Variants in VPS35L observed in about 807,000 individuals in gnomAD.
VPS35L encodes VPS35 endosomal protein sorting factor like.
Under a neutral mutation model 133.0 loss-of-function variants are expected in VPS35L, and 83 were observed. The ratio of observed to expected loss-of-function variants is 0.62; its 90% CI spans 0.52 to 0.75. The LOEUF (loss-of-function observed/expected upper bound fraction) is 0.75, where lower values mean the gene tolerates loss of function less well. Among genes scored for constraint, VPS35L ranks in the 30% least tolerant of loss-of-function variants. The probability of loss-of-function intolerance (pLI) is 0.00; values close to 1 mark genes in which losing one functional copy is unlikely to be tolerated. For synonymous variants in VPS35L, 423 were observed against 449.9 expected, an observed-to-expected ratio of 0.94 and a Z score of 0.76; for missense variants, 1,083 against 1,206.8, an observed-to-expected ratio of 0.90 and a Z score of 1.52.
intron 26 of VPS35L, among the ~76,000 whole-genome samples, chr16:19,654,464 C>T (rs1449526414): frequency 2.0e-5 from 3 of 150,798 alleles, no homozygotes; most frequent in Non-Finnish European, 4.4e-5. Flanking sequence ...GAGGCTGAGG[C>T]ACAACAATCG....
chr16:19,611,960 G>A (rs1972736547), intron 12 of VPS35L, among the ~76,000 whole-genome samples: 2 of 148,418 alleles, frequency 1.3e-5, no homozygotes, highest in Non-Finnish European at 3.0e-5. Flanking sequence ...TTTTTTTTGA[G>A]ATGGAGTCTC....
intron 5 of VPS35L, among the ~76,000 whole-genome samples, chr16:19,575,561 TAAA>T (rs376319436): frequency 4.0e-5 from 5 of 126,552 alleles, no homozygotes; most frequent in Admixed American, 8.5e-5. Context: ...AATGCCGTCT[TAAA>T]AAAAAAAAAA....
At chr16:19,563,361 AT>A (rs1481525609) in intron 1 of VPS35L, among the ~76,000 whole-genome samples, 1 of 151,842 alleles carries the variant, frequency 6.6e-6, no homozygotes, top group Non-Finnish European at 1.5e-5. Flanking sequence ...GTTTCTATAA[AT>A]TTTACTATGA....
At chr16:19,564,116 T>TC (rs1475377338) in intron 1 of VPS35L, among the ~76,000 whole-genome samples, 1 of 152,086 alleles carries the variant, frequency 6.6e-6, no homozygotes, top group East Asian at 1.9e-4. Context: ...TCTCACTCTG[T>TC]CCCCCAGGCT....
At position 19,564,944 on chromosome 16, in the gene VPS35L, C is replaced by T; in HGVS notation, c.111C>T (p.Pro37=). Residue 37 remains proline (P), a synonymous_variant, in exon 2 of 31, where the codon CCC becomes CCT. Transcript: ENST00000417362. ...LEFGDYHPLK[P]ITVTESKTKK... The stretch of plus-strand genomic sequence containing the variant: ...TTGGGGACTATCACCCTCTGAAACC[C>T]ATAACTGTAAGTTTTGTTAAGGGTC... 1 of 1,603,512 alleles carries T rather than the reference C, an allele frequency of 6.2e-7. No homozygotes were observed. Among genetic ancestry groups the T allele is most frequent in the Non-Finnish European group, 8.5e-7 (1 of 1,170,742 alleles).
At chr16:19,602,879 T>C (rs569577112) in intron 9 of VPS35L, among the ~76,000 whole-genome samples, 1 of 152,016 alleles carries the variant, frequency 6.6e-6, no homozygotes, top group Non-Finnish European at 1.5e-5. Flanking sequence ...GCTGGGATTA[T>C]AGGCATGAGC....
intron 26 of VPS35L, among the ~76,000 whole-genome samples, chr16:19,656,349 C>T (rs995438462): frequency 4.0e-5 from 6 of 149,884 alleles, no homozygotes; most frequent in Non-Finnish European, 7.4e-5. Context: ...AAAAGAAGAA[C>T]ATGTGTTTAT....
At chr16:19,683,501 C>T (rs1240204593) in intron 28 of VPS35L, among the ~76,000 whole-genome samples, 1 of 152,128 alleles carries the variant, frequency 6.6e-6, no homozygotes, top group African/African-American at 2.4e-5. Flanking sequence ...ATCTTTATGC[C>T]CATGGGTACC....
chr16:19,674,806 A>G (rs981639604), intron 27 of VPS35L, among the ~76,000 whole-genome samples: 2 of 152,102 alleles, frequency 1.3e-5, no homozygotes, highest in African/African-American at 2.4e-5. Context: ...GACTCATGCA[A>G]TATTTGTCTT....
intron 26 of VPS35L, among the ~76,000 whole-genome samples, chr16:19,660,130 GC>G (rs2151595352): frequency 6.6e-6 from 1 of 152,186 alleles, no homozygotes; most frequent in South Asian, 2.1e-4. Flanking sequence ...TTCGAGACCA[GC>G]CCGGCCAACA....
intron 14 of VPS35L, 24 bp from the exon 15 acceptor site, chr16:19,626,153 T>C (rs1355261753): frequency 1.5e-5 from 23 of 1,505,318 alleles, no homozygotes; most frequent in Non-Finnish European, 2.1e-5. Flanking sequence ...GATTTTTTAA[T>C]TATTATTATT....
chr16:19,634,966 A>C (rs1973579482), intron 19 of VPS35L, among the ~76,000 whole-genome samples: 1 of 152,186 alleles, frequency 6.6e-6, no homozygotes, highest in African/African-American at 2.4e-5. Context: ...ACACAGCATC[A>C]CCTGTATAGC....
intron 25 of VPS35L, 22 bp from the exon 26 acceptor site, chr16:19,651,940 GCACTGCTAGCGTTA>G: frequency 7.0e-7 from 1 of 1,423,072 alleles, no homozygotes; most frequent in Non-Finnish European, 9.9e-7. Context: ...TGCCACCGTT[GCACTGCTAGCGTTA>G]ATGTTTCTTC....
intron 28 of VPS35L, among the ~76,000 whole-genome samples, chr16:19,688,343 C>G (rs57406822): frequency 6.6e-6 from 1 of 152,106 alleles, no homozygotes; most frequent in Non-Finnish European, 1.5e-5. Context: ...TTCCTCAAGA[C>G]AGTGATGAAT....
chr16:19,562,170 T>A (rs544593812), intron 1 of VPS35L, among the ~76,000 whole-genome samples: 26 of 152,134 alleles, frequency 1.7e-4, no homozygotes, highest in Non-Finnish European at 3.8e-4. Context: ...TCCGGGGGGC[T>A]ACTATAGTGG....
intron 1 of VPS35L, among the ~76,000 whole-genome samples, chr16:19,563,113 A>G (rs184861613): frequency 6.6e-6 from 1 of 152,172 alleles, no homozygotes; most frequent in African/African-American, 2.4e-5. Flanking sequence ...CAAAGGAGCA[A>G]CAATAAGACT....
At chr16:19,596,960 A>G (rs771362565) in intron 8 of VPS35L, among the ~76,000 whole-genome samples, 2 of 152,120 alleles carry the variant, frequency 1.3e-5, no homozygotes, top group Non-Finnish European at 2.9e-5. Flanking sequence ...CAGAGGTTGC[A>G]GTGAACTGAG....
intron 5 of VPS35L, 80 bp downstream of exon 5, chr16:19,575,202 AT>A (rs1291116398): frequency 7.7e-7 from 1 of 1,294,234 alleles, no homozygotes; most frequent in Non-Finnish European, 1.1e-6. Context: ...AAAAAGTTTT[AT>A]GTGATATGAT....
intron 5 of VPS35L, chr16:19,578,846 C>T (rs1971618153): frequency 3.4e-6 from 2 of 592,042 alleles, no homozygotes; most frequent in African/African-American, 1.9e-5. Flanking sequence ...CCACTGGGCT[C>T]CCAGGGGCAG....
Sources: allele counts gnomAD v4.1 joint callset (sites outside exome capture counted in the v4.1 genomes callset), GRCh38; gene constraint gnomAD v4.1.1; transcripts MANE v1.5; gene names NCBI Gene and HGNC (gene_info 2026-07-23, HGNC 2026-07-21).